Variants in SPON1 observed in about 807,000 individuals in gnomAD.
SPON1 encodes the protein spondin 1, also known as spondin-1.
Under a neutral mutation model 111.7 loss-of-function variants are expected in SPON1, and 52 were observed. The ratio of observed to expected loss-of-function variants is 0.47; its 90% CI spans 0.37 to 0.59. SPON1 has a LOEUF of 0.59. Among genes scored for constraint, SPON1 ranks in the 20% least tolerant of loss-of-function variants. SPON1 has a pLI of 0.00. For synonymous variants in SPON1, 410 were observed against 395.8 expected, an observed-to-expected ratio of 1.04 and a Z score of -0.43; for missense variants, 957 against 1,068.5, an observed-to-expected ratio of 0.90 and a Z score of 1.46.
At chr11:13,967,877 C>T (rs782228919) in intron 1 of SPON1, among the ~76,000 whole-genome samples, 1 of 152,110 alleles carries the variant, frequency 6.6e-6, no homozygotes, top group Non-Finnish European at 1.5e-5. Flanking sequence ...ATAGCTAATG[C>T]TTAATGGTTG....
intron 2 of SPON1, among the ~76,000 whole-genome samples, chr11:14,034,601 A>G (rs1011097392): frequency 3.3e-5 from 5 of 152,194 alleles, no homozygotes; most frequent in South Asian, 2.1e-4. Context: ...GGTAGCTTCT[A>G]TGGATTGGAG....
rs552440792 is a variant in SPON1 at position 14,188,204 on chromosome 11, G to A, written c.825+52636G>A. Among the ~76,000 whole-genome samples, 11 of 152,222 alleles carry A rather than the reference G, an allele frequency of 7.2e-5. 1 individual carries two copies. The highest frequency in any genetic ancestry group is 3.9e-4 in the East Asian group (2 of 5,178). ...ATTACAGGTCTGAGCCACTGTGCCCGGCCCGTAAAAGACTTTCAACACCAG... is the reference window on the plus strand; with the variant it reads ...ATTACAGGTCTGAGCCACTGTGCCCAGCCCGTAAAAGACTTTCAACACCAG... On this transcript the variant is annotated intron_variant, in intron 6 of 15. Transcript: ENST00000576479.
intron 2 of SPON1, among the ~76,000 whole-genome samples, chr11:14,040,912 A>G (rs1848626544): frequency 6.6e-6 from 1 of 152,156 alleles, no homozygotes; most frequent in Non-Finnish European, 1.5e-5. Context: ...AACAGGCAGG[A>G]GAAGAGATGG....
In SPON1 at chr11:14,267,499, T is replaced by C. The variant is rs1175371847; in HGVS notation, c.*1812T>C. 2 of 152,218 alleles carry C rather than the reference T, an allele frequency of 1.3e-5. No homozygotes were observed. The highest frequency in any genetic ancestry group is 4.8e-5 in the African/African-American group (2 of 41,448). 9.4% of individuals were successfully genotyped at this position (152,218 alleles called of 1,614,324 possible). A position where few individuals can be genotyped will look rare whatever the true frequency, so the allele number is the denominator to read the frequency against. On this transcript the variant is annotated 3_prime_UTR_variant, in exon 16 of 16. Transcript: ENST00000576479. ...ACTTTTGCAATGTTGTTCTAAGCTA[T>C]CTATCTAACTCTCAGCCCATGATAA...
intron 5 of SPON1, among the ~76,000 whole-genome samples, chr11:14,097,554 G>A (rs79374230): frequency 0.01 from 1,537 of 152,208 alleles, 28 homozygotes; most frequent in African/African-American, 0.036. Flanking sequence ...GTACCTCTAT[G>A]TTTTTTCCTA....
At chr11:13,993,295 C>A (rs1316935050) in intron 2 of SPON1, among the ~76,000 whole-genome samples, 6 of 151,902 alleles carry the variant, frequency 3.9e-5, no homozygotes, top group Admixed American at 3.9e-4. Flanking sequence ...CTGCTCTGGC[C>A]CCAACAGCGG....
At chr11:14,179,229 G>A (rs1185791172) in intron 6 of SPON1, among the ~76,000 whole-genome samples, 2 of 152,080 alleles carry the variant, frequency 1.3e-5, no homozygotes, top group African/African-American at 4.8e-5. Context: ...TATCTTACTT[G>A]GGCAATTAGA....
chr11:14,200,047 C>T (rs547627927), intron 6 of SPON1, among the ~76,000 whole-genome samples: 1 of 152,244 alleles, frequency 6.6e-6, no homozygotes, highest in East Asian at 1.9e-4. Context: ...CACCCCTCAT[C>T]CACCCATTTA....
intron 2 of SPON1, among the ~76,000 whole-genome samples, chr11:13,983,702 GA>G (rs1848161590): frequency 6.6e-6 from 1 of 152,220 alleles, no homozygotes; most frequent in Admixed American, 6.5e-5. Flanking sequence ...ACACATCCCA[GA>G]AGGACTGGAG....
chr11:13,982,037 A>G (rs986925288), intron 1 of SPON1, among the ~76,000 whole-genome samples: 4 of 152,258 alleles, frequency 2.6e-5, no homozygotes, highest in African/African-American at 9.6e-5. Flanking sequence ...AAAACTATCA[A>G]TTGGAAAATT....
chr11:14,139,753 G>A (rs10766142), intron 6 of SPON1, among the ~76,000 whole-genome samples: 56,452 of 149,686 alleles, frequency 0.38, 11,084 homozygotes, highest in East Asian at 0.55. Flanking sequence ...AACAAGGGTG[G>A]TAGTGACATA....
At chr11:14,226,943 C>T (rs183546196) in intron 6 of SPON1, among the ~76,000 whole-genome samples, 16 of 152,298 alleles carry the variant, frequency 1.1e-4, no homozygotes, top group Middle Eastern at 6.8e-3. Context: ...GTACCTTCCC[C>T]TCTCCTTTAG....
chr11:14,255,446 T>C (rs1319438497), intron 8 of SPON1, among the ~76,000 whole-genome samples: 2 of 152,214 alleles, frequency 1.3e-5, no homozygotes, highest in African/African-American at 4.8e-5. Context: ...AATCCTACCA[T>C]GGACATGGAA....
chr11:14,242,862 T>C (rs911140407), intron 6 of SPON1, among the ~76,000 whole-genome samples: 1 of 152,216 alleles, frequency 6.6e-6, no homozygotes, highest in Non-Finnish European at 1.5e-5. Context: ...ATCCAGCGCA[T>C]GGGTCTCACC....
At chr11:14,112,672 G>T (rs1418119291) in intron 5 of SPON1, among the ~76,000 whole-genome samples, 3 of 152,094 alleles carry the variant, frequency 2.0e-5, no homozygotes, top group African/African-American at 7.2e-5. Flanking sequence ...TCTCATAACT[G>T]GGTCTTAATT....
intron 5 of SPON1, among the ~76,000 whole-genome samples, chr11:14,083,110 T>C (rs1848976994): frequency 6.6e-6 from 1 of 152,178 alleles, no homozygotes; most frequent in African/African-American, 2.4e-5. Flanking sequence ...TTAAAAATAA[T>C]AAACTTGTTC....
chr11:14,017,466 C>G (rs1554914414), intron 2 of SPON1, among the ~76,000 whole-genome samples: 1 of 152,156 alleles, frequency 6.6e-6, no homozygotes, highest in East Asian at 1.9e-4. Flanking sequence ...TAGAGATGGA[C>G]TGACTTTTTT....
chr11:14,057,827 T>C (rs1848756266), intron 3 of SPON1, among the ~76,000 whole-genome samples: 2 of 53,294 alleles, frequency 3.8e-5, no homozygotes, highest in Non-Finnish European at 1.1e-4. Flanking sequence ...AGACCTTGTC[T>C]CTACAAAAAA....
intron 6 of SPON1, among the ~76,000 whole-genome samples, chr11:14,165,013 C>A (rs1269704921): frequency 6.6e-6 from 1 of 152,146 alleles, no homozygotes; most frequent in Non-Finnish European, 1.5e-5. Context: ...TTGTAGCCTC[C>A]AGCTGCATGA....
Sources: gnomAD v4.1 joint callset for allele counts (sites outside exome capture counted in the v4.1 genomes callset) on GRCh38, gnomAD v4.1.1 for gene constraint, MANE v1.5 for transcripts, NCBI Gene and HGNC (gene_info 2026-07-23, HGNC 2026-07-21) for gene names.